The following UNC5D variants were observed in gnomAD, a reference collection of about 807,000 sequenced individuals.
The protein encoded by UNC5D is netrin receptor UNC5D.
In UNC5D, 39 loss-of-function variants were observed where a neutral mutation model predicts 105.4. The ratio of observed to expected loss-of-function variants is 0.37; its 90% CI spans 0.29 to 0.48. The LOEUF (loss-of-function observed/expected upper bound fraction) is 0.48. UNC5D is among the 20% of genes least tolerant of loss of function. The pLI, the probability that UNC5D is intolerant of heterozygous loss-of-function variation, is 0.98. For synonymous variants in UNC5D, 452 were observed against 450.4 expected (o/e 1.00, Z -0.04); for missense variants, 991 against 1,202.4 (o/e 0.82, Z 2.60).
At chr8:35,370,023 C>T (rs1802340248) in intron 1 of UNC5D, among the ~76,000 whole-genome samples, 1 of 152,052 alleles carries the variant, frequency 6.6e-6, no homozygotes. Flanking sequence ...TCTTTCTTTT[C>T]TTCATGTTTC....
At chr8:35,459,052 C>T (rs1177148953) in intron 1 of UNC5D, among the ~76,000 whole-genome samples, 1 of 152,146 alleles carries the variant, frequency 6.6e-6, no homozygotes, top group African/African-American at 2.4e-5. Flanking sequence ...ATGGGGAAGA[C>T]ATTTCAGAAT....
intron 1 of UNC5D, among the ~76,000 whole-genome samples, chr8:35,281,651 A>G (rs1806178045): frequency 6.6e-6 from 1 of 152,024 alleles, no homozygotes; most frequent in Non-Finnish European, 1.5e-5. Context: ...TTCCCTGAAG[A>G]GCCTTTTATG....
intron 1 of UNC5D, among the ~76,000 whole-genome samples, chr8:35,368,331 A>T (rs576816217): frequency 4.5e-4 from 68 of 152,182 alleles, no homozygotes; most frequent in African/African-American, 1.6e-3. Context: ...ACATGTGCAC[A>T]CATGTGCGCA....
intron 16 of UNC5D, among the ~76,000 whole-genome samples, chr8:35,784,314 A>C (rs1016345705): frequency 1.3e-5 from 2 of 152,170 alleles, no homozygotes; most frequent in African/African-American, 4.8e-5. Context: ...CCTAAGCTTT[A>C]ATCTGCTTGT....
chr8:35,692,848 C>A (rs1005402998), intron 7 of UNC5D, among the ~76,000 whole-genome samples: 15 of 152,214 alleles, frequency 9.9e-5, no homozygotes, highest in Non-Finnish European at 1.2e-4. Context: ...CCTTTTTACA[C>A]AAAGACTTTT....
Position 35,470,601 on chromosome 8 carries a change from C to CAA in UNC5D, c.104-78672_104-78671dup, listed in dbSNP as rs143876201. Among the ~76,000 whole-genome samples the CAA allele has an allele frequency of 1.8e-4, 21 of 119,820 alleles. No individual in the cohort carries two copies. The East Asian group carries it at 2.2e-3, about 13-fold the overall frequency. 78.6% of individuals were successfully genotyped at this position (119,820 alleles called of 152,430 possible). A position where few individuals can be genotyped will look rare whatever the true frequency, so the allele number is the denominator to read the frequency against. The stretch of plus-strand genomic sequence containing the variant: ...TGAAACCCTATCTCTACAAAAAATG[C>CAA]AAAAAAAAAAAAAAAAAAAATTACC... On this transcript the variant is annotated intron_variant, in intron 1 of 16. Transcript: ENST00000404895.
At chr8:35,495,275 A>C (rs1811478289) in intron 1 of UNC5D, among the ~76,000 whole-genome samples, 1 of 151,980 alleles carries the variant, frequency 6.6e-6, no homozygotes, top group Non-Finnish European at 1.5e-5. Flanking sequence ...TTCTAGCAAA[A>C]TTTTGGAGTG....
intron 1 of UNC5D, among the ~76,000 whole-genome samples, chr8:35,439,686 T>A (rs1807265778): frequency 6.6e-6 from 1 of 152,042 alleles, no homozygotes; most frequent in South Asian, 2.1e-4. Flanking sequence ...AAGGGTGTCA[T>A]CTTCTAAATA....
At chr8:35,343,434 A>ATACTTTCATTGTATGAT (rs1306188756) in intron 1 of UNC5D, among the ~76,000 whole-genome samples, 6 of 152,100 alleles carry the variant, frequency 3.9e-5, no homozygotes, top group Non-Finnish European at 7.4e-5. Flanking sequence ...TCAATATTGA[A>ATACTTTCATTGTATGAT]TACTTTCATT....
chr8:35,733,499 A>G (rs560730991), intron 11 of UNC5D, among the ~76,000 whole-genome samples: 1 of 152,260 alleles, frequency 6.6e-6, no homozygotes, highest in African/African-American at 2.4e-5. Flanking sequence ...GCTGGAATGC[A>G]CTGTTCAGTT....
intron 1 of UNC5D, among the ~76,000 whole-genome samples, chr8:35,410,764 C>T (rs1805111590): frequency 6.6e-6 from 1 of 151,978 alleles, no homozygotes; most frequent in Non-Finnish European, 1.5e-5. Flanking sequence ...ATGTAACTTG[C>T]CCAAGGTTGC....
rs183643847 is a variant in UNC5D, at chr8:35,576,855, C to G, written c.466+8614C>G. On this transcript the variant is annotated intron_variant, in intron 3 of 16. Coordinates refer to ENST00000404895, the MANE Select transcript of UNC5D (RefSeq NM_080872.4). ...GTCTCGATCTCCTGACCTCGTGATC[C>G]TCCCGCCTCGGCCTCCCAAAGTGCT... Among the ~76,000 whole-genome samples the G allele has an allele frequency of 3.1e-3, 469 of 152,242 alleles. 1 individual carries two copies. Among genetic ancestry groups the G allele is most frequent in the Admixed American group, 5.3e-3 (81 of 15,274 alleles).
Position 35,790,643 on chromosome 8 carries a change from A to C in UNC5D, c.*80A>C. 1 of 1,505,898 alleles carries C rather than the reference A, an allele frequency of 6.6e-7. No homozygotes were observed. The allele number at this position is 1,505,898 out of a possible 1,614,324, so 93.3% of individuals were successfully genotyped here. A position where few individuals can be genotyped will look rare whatever the true frequency, so the allele number is the denominator to read the frequency against. ...ATGGGAAAGAGGCCGCTTTCTGCCC[A>C]GTGGCGTTGGGGGAATTCAGCCTTC... On this transcript the variant is annotated 3_prime_UTR_variant, in exon 17 of 17. Coordinates refer to ENST00000404895, the MANE Select transcript of UNC5D (RefSeq NM_080872.4).
intron 1 of UNC5D, among the ~76,000 whole-genome samples, chr8:35,503,103 T>C (rs969651292): frequency 1.3e-5 from 2 of 152,122 alleles, no homozygotes; most frequent in African/African-American, 2.4e-5. Context: ...CCTGGGTGAC[T>C]TGTAGCCTTG....
rs113496503 is a variant in UNC5D, at chr8:35,557,150, C to T, written c.322+7640C>T. On this transcript the variant is annotated intron_variant, in intron 2 of 16. Transcript: ENST00000404895. ...TAAACAACCTTTCCATGTCCACTTC[C>T]GCCTCTTCACTTTCTCTTCTTGCTA... 2.6e-3 allele frequency among the ~76,000 whole-genome samples: 392 copies of T among 152,264 alleles called. 2 individuals carry two copies. The highest frequency in any genetic ancestry group is 8.6e-3 in the African/African-American group (356 of 41,554).
intron 7 of UNC5D, among the ~76,000 whole-genome samples, chr8:35,691,730 A>G (rs1233195101): frequency 1.3e-5 from 2 of 152,110 alleles, no homozygotes; most frequent in Non-Finnish European, 2.9e-5. Context: ...TGACCATTGG[A>G]CTTTCTCCTT....
chr8:35,235,998 G>T, intron 1 of UNC5D, 111 bp downstream of exon 1: 1 of 981,998 alleles, frequency 1.0e-6, no homozygotes, highest in East Asian at 3.4e-5. Context: ...CCTGCACCTC[G>T]GCGCTCCAAG....
chr8:35,706,937 A>G (rs774129202), intron 8 of UNC5D, among the ~76,000 whole-genome samples: 2 of 152,306 alleles, frequency 1.3e-5, no homozygotes, highest in South Asian at 2.1e-4. Flanking sequence ...GGAAACTTCA[A>G]GATACTGGGG....
chr8:35,774,326 G>A lies in UNC5D; in HGVS notation c.2506G>A (p.Ala836Thr), dbSNP rs763472547. The change falls in exon 16 of 17, where the codon GCA (alanine) becomes ACA (threonine). Residue 836 changes from alanine (A) to threonine (T), a missense_variant. By Grantham distance (58) the Ala-to-Thr change is moderately conservative (BLOSUM62 0). Around this residue, in one of 3 missense-constraint regions of UNC5D, gnomAD observed 944 missense variants for 1,131.6 expected, o/e 0.83. Transcript: ENST00000404895. Reference protein sequence around the residue: ...ESERETITFFAQEDSTFPAQT... With the variant: ...ESERETITFFTQEDSTFPAQT... Reference sequence around the variant, plus strand: ...TGAACGAGAAACCATCACTTTCTTCGCACAAGAGGACAGCACTTTCCCTGC... The same window carrying A: ...TGAACGAGAAACCATCACTTTCTTCACACAAGAGGACAGCACTTTCCCTGC... 5.8e-5 allele frequency: 93 copies of A among 1,613,838 alleles called. No homozygotes were observed. Among genetic ancestry groups the A allele is most frequent in the African/African-American group, 6.7e-5 (5 of 74,896 alleles).
Sources: allele counts gnomAD v4.1 joint callset (sites outside exome capture counted in the v4.1 genomes callset), GRCh38; gene constraint gnomAD v4.1.1; regional missense constraint gnomAD v4.1.1; transcripts MANE v1.5; gene names NCBI Gene and HGNC (gene_info 2026-07-23, HGNC 2026-07-21).